The following DOK6 variants were observed in gnomAD, a reference collection of about 807,000 sequenced individuals.
DOK6 encodes the protein downstream of tyrosine kinase 6.
DOK6 carries 22 observed loss-of-function variants against 44.0 expected under a neutral mutation model. The ratio of observed to expected loss-of-function variants is 0.50; its 90% CI spans 0.36 to 0.71. DOK6 has a LOEUF of 0.71. Ranked by LOEUF, DOK6 falls within the 30% of genes least tolerant of loss-of-function variation. The pLI is 0.00. For missense variants in DOK6, 340 were observed against 416.4 expected (o/e 0.82, Z 1.60); for synonymous variants, 166 against 145.5 (o/e 1.14, Z -1.01).
At chr18:69,776,266 T>G (rs1229583480) in intron 7 of DOK6, among the ~76,000 whole-genome samples, 2 of 151,918 alleles carry the variant, frequency 1.3e-5, no homozygotes, top group Non-Finnish European at 2.9e-5. Flanking sequence ...TTTGACAACA[T>G]AAGATGCCAC....
At chr18:69,479,189 G>T (rs901856021) in intron 1 of DOK6, among the ~76,000 whole-genome samples, 3 of 152,086 alleles carry the variant, frequency 2.0e-5, no homozygotes, top group African/African-American at 7.2e-5. Context: ...GTATTTGCCA[G>T]AGGGAGGAGA....
At chr18:69,739,131 A>T in intron 6 of DOK6, 28 bp downstream of exon 6, 1 of 1,612,168 alleles carries the variant, frequency 6.2e-7, no homozygotes, top group Non-Finnish European at 8.5e-7. Context: ...GTAACCTATC[A>T]GCTTGGAAAT....
At chr18:69,813,649 G>A (rs1271170698) in intron 7 of DOK6, among the ~76,000 whole-genome samples, 2 of 152,102 alleles carry the variant, frequency 1.3e-5, no homozygotes, top group Non-Finnish European at 2.9e-5. Flanking sequence ...GTTAAGTGAT[G>A]GGATAGGGGA....
At chr18:69,647,973 T>G (rs936787881) in intron 3 of DOK6, among the ~76,000 whole-genome samples, 6 of 152,192 alleles carry the variant, frequency 3.9e-5, no homozygotes, top group African/African-American at 1.4e-4. Context: ...CTTTATTCAT[T>G]TGTTTACATA....
intron 7 of DOK6, among the ~76,000 whole-genome samples, chr18:69,760,583 C>A (rs1051355810): frequency 5.3e-5 from 8 of 152,126 alleles, no homozygotes; most frequent in African/African-American, 1.7e-4. Flanking sequence ...CGCAGCTTGA[C>A]CTCTTGAATT....
chr18:69,657,257 A>G (rs1276731779), intron 3 of DOK6, among the ~76,000 whole-genome samples: 1 of 152,204 alleles, frequency 6.6e-6, no homozygotes, highest in Non-Finnish European at 1.5e-5. Flanking sequence ...TTTCTCTGTT[A>G]GAATATTAAA....
chr18:69,548,533 A>C (rs1445537559), intron 1 of DOK6, among the ~76,000 whole-genome samples: 1 of 151,468 alleles, frequency 6.6e-6, no homozygotes. Context: ...GGATGTATGT[A>C]TTGTAGCAGC....
In DOK6 at chr18:69,642,064, C is replaced by T. The variant is rs113689179; in HGVS notation, c.290-35670C>T. 9.2e-4 allele frequency among the ~76,000 whole-genome samples: 140 copies of T among 152,360 alleles called. 1 individual carries two copies. The highest frequency in any genetic ancestry group is 3.1e-3 in the African/African-American group (130 of 41,578). Reference sequence around the variant, plus strand: ...GTAAAAACCCATTTACACTCTAACTCAGCAGTTAATATTTATCTTGTTTAC... The same window carrying T: ...GTAAAAACCCATTTACACTCTAACTTAGCAGTTAATATTTATCTTGTTTAC... On this transcript the variant is annotated intron_variant, in intron 3 of 7. Coordinates refer to ENST00000382713, the MANE Select transcript of DOK6 (RefSeq NM_152721.6).
intron 7 of DOK6, among the ~76,000 whole-genome samples, chr18:69,840,576 G>A (rs1421110449): frequency 6.6e-6 from 1 of 152,172 alleles, no homozygotes; most frequent in South Asian, 2.1e-4. Context: ...ACAACCAAAA[G>A]CATAGACAGA....
At chr18:69,663,268 T>A (rs1409794409) in intron 3 of DOK6, 1 of 152,120 alleles carries the variant, frequency 6.6e-6, no homozygotes, top group African/African-American at 2.4e-5. Context: ...TATTTTAAGA[T>A]CTTCTAAAAA....
chr18:69,426,021 C>T (rs901926726), intron 1 of DOK6, among the ~76,000 whole-genome samples: 3 of 152,042 alleles, frequency 2.0e-5, no homozygotes, highest in African/African-American at 7.2e-5. Context: ...GTAAGGGATC[C>T]ATTCACCTGG....
chr18:69,613,358 G>A (rs988122008), intron 3 of DOK6, among the ~76,000 whole-genome samples: 1 of 152,084 alleles, frequency 6.6e-6, no homozygotes, highest in Non-Finnish European at 1.5e-5. Flanking sequence ...TCAACATTTT[G>A]CCTGTTCATT....
At chr18:69,578,138 T>C (rs1399784971) in intron 2 of DOK6, among the ~76,000 whole-genome samples, 2 of 152,046 alleles carry the variant, frequency 1.3e-5, no homozygotes, top group Non-Finnish European at 2.9e-5. Context: ...TGACTTAGAG[T>C]ATATAGCAGC....
intron 7 of DOK6, among the ~76,000 whole-genome samples, chr18:69,794,350 A>G (rs1980683829): frequency 6.6e-6 from 1 of 152,204 alleles, no homozygotes; most frequent in Admixed American, 6.5e-5. Context: ...TGTCATTAGC[A>G]AAAGGAGAAA....
At chr18:69,549,800 A>G (rs187454279) in intron 1 of DOK6, among the ~76,000 whole-genome samples, 1 of 151,566 alleles carries the variant, frequency 6.6e-6, no homozygotes, top group East Asian at 1.9e-4. Context: ...GAGCTTAATG[A>G]AACAAAGTAC....
At chr18:69,823,050 AG>A (rs1472934329) in intron 7 of DOK6, among the ~76,000 whole-genome samples, 2 of 152,214 alleles carry the variant, frequency 1.3e-5, no homozygotes, top group African/African-American at 4.8e-5. Flanking sequence ...AAAAATGTGC[AG>A]GGCAAGATGA....
chr18:69,627,871 CT>C (rs1984595099), intron 3 of DOK6, among the ~76,000 whole-genome samples: 1 of 152,142 alleles, frequency 6.6e-6, no homozygotes, highest in South Asian at 2.1e-4. Context: ...TGAAATGAAT[CT>C]TTTGGGACAG....
At position 69,488,697 on chromosome 18, in the gene DOK6, A is replaced by G. The variant is rs543230305; in HGVS notation, c.67-75790A>G. On this transcript the variant is annotated intron_variant, in intron 1 of 7. Transcript: ENST00000382713. ...TCCTGTACGACTTATTCACTATCAG[A>G]AGAACAGCAAGGGAAAAACCTGCCT... Among the ~76,000 whole-genome samples, 5 of 152,202 alleles carry G rather than the reference A, an allele frequency of 3.3e-5. No homozygotes were observed. In the South Asian group the frequency reaches 1.0e-3, roughly 32 times the overall value.
chr18:69,401,848 G>T (rs1336985481), intron 1 of DOK6, among the ~76,000 whole-genome samples: 1 of 152,128 alleles, frequency 6.6e-6, no homozygotes, highest in Non-Finnish European at 1.5e-5. Context: ...CCCGCGCCCC[G>T]CAAGTGCTCC....
Sources: gnomAD v4.1 joint callset for allele counts (sites outside exome capture counted in the v4.1 genomes callset) on GRCh38, gnomAD v4.1.1 for gene constraint, MANE v1.5 for transcripts, NCBI Gene and HGNC (gene_info 2026-07-23, HGNC 2026-07-21) for gene names.